EXOC6B: variants seen among roughly 807,000 people sequenced by gnomAD.
EXOC6B encodes exocyst complex component 6B.
EXOC6B carries 54 observed loss-of-function variants against 113.5 expected under a neutral mutation model. The observed-to-expected ratio is 0.48, with a 90% CI of 0.38 to 0.60. EXOC6B has a LOEUF of 0.60. Among genes scored for constraint, EXOC6B ranks in the 20% least tolerant of loss-of-function variants. The probability of loss-of-function intolerance (pLI) is 0.00; values close to 1 mark genes in which losing one functional copy is unlikely to be tolerated. For missense variants in EXOC6B, 797 were observed against 977.5 expected (o/e 0.82, Z 2.46); for synonymous variants, 357 against 339.0 (o/e 1.05, Z -0.58).
At chr2:72,619,735 G>C (rs1671630985) in intron 6 of EXOC6B, among the ~76,000 whole-genome samples, 1 of 152,192 alleles carries the variant, frequency 6.6e-6, no homozygotes, top group African/African-American at 2.4e-5. Context: ...AAGGGTAAGT[G>C]AGGGAACTGA....
At chr2:72,615,567 C>T (rs1186244132) in intron 6 of EXOC6B, among the ~76,000 whole-genome samples, 2 of 146,030 alleles carry the variant, frequency 1.4e-5, no homozygotes, top group Admixed American at 6.9e-5. Flanking sequence ...ACATTAATCA[C>T]GTTTGCGGTA....
intron 6 of EXOC6B, among the ~76,000 whole-genome samples, chr2:72,589,297 AAC>A (rs1705782420): frequency 6.6e-6 from 1 of 152,044 alleles, no homozygotes; most frequent in Non-Finnish European, 1.5e-5. Context: ...TTAAAACCAC[AAC>A]ACTTTCTGAT....
intron 2 of EXOC6B, among the ~76,000 whole-genome samples, chr2:72,738,919 A>T (rs1187489652): frequency 6.6e-6 from 1 of 152,210 alleles, no homozygotes; most frequent in Non-Finnish European, 1.5e-5. Context: ...ATTATTTATT[A>T]TCAAGGGATT....
intron 7 of EXOC6B, among the ~76,000 whole-genome samples, chr2:72,572,223 G>A (rs769087428): frequency 5.3e-5 from 8 of 151,940 alleles, no homozygotes; most frequent in African/African-American, 1.2e-4. Context: ...TTTCCATATC[G>A]TCTTGTAACT....
chr2:72,222,188 T>G (rs1680911794), intron 20 of EXOC6B, among the ~76,000 whole-genome samples: 1 of 152,206 alleles, frequency 6.6e-6, no homozygotes, highest in South Asian at 2.1e-4. Flanking sequence ...ACCTGGTGTG[T>G]TCTAGGTACT....
At chr2:72,691,681 ATTTT>A (rs1164324005) in intron 6 of EXOC6B, among the ~76,000 whole-genome samples, 1 of 137,804 alleles carries the variant, frequency 7.3e-6, no homozygotes, top group Admixed American at 7.4e-5. Flanking sequence ...TTGTATATCT[ATTTT>A]TTTTTTTTTT....
Position 72,572,268 on chromosome 2 carries a change from C to T in EXOC6B, c.846+3224G>A, listed in dbSNP as rs112231289. On this transcript the variant is annotated intron_variant, in intron 7 of 21. Transcript: ENST00000272427. Reference sequence around the variant, plus strand: ...CTCCAGGGACCAGGAGCTCCATCCTCACCAGGGACCTTGTTAAAAAATGCA... The same window carrying T: ...CTCCAGGGACCAGGAGCTCCATCCTTACCAGGGACCTTGTTAAAAAATGCA... 5.1e-3 allele frequency among the ~76,000 whole-genome samples: 775 copies of T among 152,278 alleles called. 11 individuals carry two copies. The highest frequency in any genetic ancestry group is 0.017 in the African/African-American group (716 of 41,558).
At chr2:72,485,553 A>G (rs1000657341) in intron 16 of EXOC6B, among the ~76,000 whole-genome samples, 24 of 152,230 alleles carry the variant, frequency 1.6e-4, no homozygotes, top group African/African-American at 5.5e-4. Context: ...AAACTGTGTC[A>G]ACCACTCATT....
At chr2:72,298,745 C>A (rs998892013) in intron 20 of EXOC6B, among the ~76,000 whole-genome samples, 1 of 152,120 alleles carries the variant, frequency 6.6e-6, no homozygotes, top group Non-Finnish European at 1.5e-5. Flanking sequence ...ACTTATGAAG[C>A]TTAGTTTGGC....
intron 16 of EXOC6B, among the ~76,000 whole-genome samples, chr2:72,491,019 T>A (rs1251987303): frequency 6.6e-6 from 1 of 152,112 alleles, no homozygotes; most frequent in Non-Finnish European, 1.5e-5. Context: ...AAACTTCCCA[T>A]CCAGAAAAAG....
chr2:72,764,576 G>A (rs949491058), intron 1 of EXOC6B, among the ~76,000 whole-genome samples: 9 of 151,318 alleles, frequency 5.9e-5, no homozygotes, highest in African/African-American at 1.7e-4. Context: ...ACTATGTTAC[G>A]CAGGTTGGTC....
chr2:72,726,866 T>A (rs536077628), intron 5 of EXOC6B, among the ~76,000 whole-genome samples: 1 of 152,250 alleles, frequency 6.6e-6, no homozygotes, highest in East Asian at 1.9e-4. Flanking sequence ...CAATCAACTA[T>A]ATTGATCAAA....
chr2:72,446,935 A>G (rs1201248233), intron 18 of EXOC6B, among the ~76,000 whole-genome samples: 4 of 152,082 alleles, frequency 2.6e-5, no homozygotes, highest in Non-Finnish European at 4.4e-5. Flanking sequence ...CCCTGTCTCT[A>G]CTAAAAATAC....
At chr2:72,400,392 A>C (rs1258062845) in intron 18 of EXOC6B, among the ~76,000 whole-genome samples, 1 of 152,104 alleles carries the variant, frequency 6.6e-6, no homozygotes, top group Non-Finnish European at 1.5e-5. Context: ...TATGACTAAG[A>C]TCTCAAAAGC....
chr2:72,778,773 A>G (rs1031353850), intron 1 of EXOC6B, among the ~76,000 whole-genome samples: 1 of 152,182 alleles, frequency 6.6e-6, no homozygotes, highest in Non-Finnish European at 1.5e-5. Flanking sequence ...TATCATACAC[A>G]AGTAAAGTTT....
intron 20 of EXOC6B, among the ~76,000 whole-genome samples, chr2:72,188,260 A>G (rs561359296): frequency 1.3e-5 from 2 of 152,344 alleles, no homozygotes; most frequent in Admixed American, 6.5e-5. Flanking sequence ...GGCAGCCACT[A>G]TCATCATAAG....
At chr2:72,709,048 T>C (rs541484280) in intron 6 of EXOC6B, among the ~76,000 whole-genome samples, 3 of 151,072 alleles carry the variant, frequency 2.0e-5, no homozygotes, top group Admixed American at 2.0e-4. Context: ...CAGCTTATAA[T>C]TAAAATTTAA....
chr2:72,474,052 T>G (rs1389557125), intron 17 of EXOC6B, among the ~76,000 whole-genome samples: 1 of 152,024 alleles, frequency 6.6e-6, no homozygotes, highest in African/African-American at 2.4e-5. Flanking sequence ...CCAACATGTT[T>G]TTTTTTTTTC....
intron 6 of EXOC6B, among the ~76,000 whole-genome samples, chr2:72,631,977 T>C (rs1672500544): frequency 6.6e-6 from 1 of 152,072 alleles, no homozygotes; most frequent in Admixed American, 6.5e-5. Context: ...TAAAGAGTTA[T>C]ATAAAGAAGG....
Sources: gnomAD v4.1 joint callset for allele counts (sites outside exome capture counted in the v4.1 genomes callset) on GRCh38, gnomAD v4.1.1 for gene constraint, MANE v1.5 for transcripts, NCBI Gene and HGNC (gene_info 2026-07-23, HGNC 2026-07-21) for gene names.